CYB561A3: variants seen among roughly 807,000 people sequenced by gnomAD.
CYB561A3 encodes the protein cytochrome b561 family member A3.
In CYB561A3, 16 loss-of-function variants were observed where a neutral mutation model predicts 25.3. That is an observed-to-expected ratio of 0.63 (90% confidence interval 0.43 to 0.96). The LOEUF (loss-of-function observed/expected upper bound fraction) is 0.96, where lower values mean the gene tolerates loss of function less well. Among genes scored for constraint, CYB561A3 ranks in the 40% least tolerant of loss-of-function variants. The pLI, the probability that CYB561A3 is intolerant of heterozygous loss-of-function variation, is 0.00. For synonymous variants in CYB561A3, 131 were observed against 129.9 expected (o/e 1.01, Z -0.06); for missense variants, 219 against 307.5 (o/e 0.71, Z 2.15).
chr11:61,356,110 A>AC lies in CYB561A3; in HGVS notation c.184+419_184+420insG, dbSNP rs1480093608. 491 of 154,176 alleles carry AC rather than the reference A, an allele frequency of 3.2e-3. 6 individuals are homozygous for AC. Among genetic ancestry groups the AC allele is most frequent in the African/African-American group, 0.012 (477 of 40,566 alleles). The allele number at this position is 154,176 out of a possible 1,614,324, so 9.6% of individuals were successfully genotyped here. A position where few individuals can be genotyped will look rare whatever the true frequency, so the allele number is the denominator to read the frequency against. ...CCGTCTAGAGAAAAAAAAAAAAAAAAAAAACACTACAGCTCAAAGGCCAAA... is the reference window on the plus strand; with the variant it reads ...CCGTCTAGAGAAAAAAAAAAAAAAAACAAAACACTACAGCTCAAAGGCCAAA... On this transcript the variant is annotated intron_variant, in intron 3 of 6. Coordinates refer to ENST00000294072, the MANE Select transcript of CYB561A3 (RefSeq NM_153611.6).
rs143377156 is a variant in CYB561A3 at position 61,353,860 on chromosome 11, T to C, written c.317A>G (p.Asn106Ser). 8.1e-6 allele frequency: 13 copies of C among 1,613,990 alleles called. No individual in the cohort carries two copies. The African/African-American group carries it at 1.5e-4, about 18-fold the overall frequency. ...GTAGAGGTTGGCAGTCCTTCCATGG[T>C]TGTGAAACGTAAAGACAGCAACCAG... is the stretch of plus-strand genomic sequence containing the variant. Reference protein sequence around the residue: ...VGLVAVFTFHNHGRTANLYSL... With the variant: ...VGLVAVFTFHSHGRTANLYSL... Residue 106 changes from asparagine to serine, a missense_variant, in exon 4 of 7, where the codon AAC becomes AGC. Asn to Ser is a conservative substitution (Grantham distance 46). Coordinates refer to ENST00000294072, the MANE Select transcript of CYB561A3 (RefSeq NM_153611.6).
Position 61,349,209 on chromosome 11 carries a change from C to G in CYB561A3, c.*1190G>C. On this transcript the variant is annotated 3_prime_UTR_variant, in exon 7 of 7. Transcript: ENST00000294072. ...CCCTATTTCCTCCCCTGAAGAAGAGCAACAGCTCAAGCTCTAGCATGGCAC... is the reference window on the plus strand; with the variant it reads ...CCCTATTTCCTCCCCTGAAGAAGAGGAACAGCTCAAGCTCTAGCATGGCAC... 1 of 265,910 alleles carries G rather than the reference C, an allele frequency of 3.8e-6. No individual in the cohort carries two copies. The allele number at this position is 265,910 out of a possible 1,614,324, so 16.5% of individuals were successfully genotyped here.
chr11:61,360,836 G>A (rs1857833553), intron 1 of CYB561A3: 2 of 152,326 alleles, frequency 1.3e-5, no homozygotes, highest in South Asian at 4.1e-4. Context: ...AAATTAGCCG[G>A]GCGCGGTAGC....
Position 61,350,420 on chromosome 11 carries a change from G to T in CYB561A3, c.708C>A (p.Pro236=). ...TGCTTCACTCCCCATCATGCAGCAG[G>T]GGCTGGAAAGAGAGGCAGATGCCCA... ...PEPGILTDRQ[P]LLHDGE is the part of the protein sequence containing the mutation. Residue 236 remains proline, a splice_region_variant and synonymous_variant, in exon 7 of 7, where the codon CCC becomes CCA. Coordinates refer to ENST00000294072, the MANE Select transcript of CYB561A3 (RefSeq NM_153611.6). 1 of 1,611,520 alleles carries T rather than the reference G, an allele frequency of 6.2e-7. No individual in the cohort carries two copies. The highest frequency in any genetic ancestry group is 1.1e-5 in the South Asian group (1 of 90,264).
intron 1 of CYB561A3, chr11:61,359,265 G>A (rs1330449526): frequency 6.6e-6 from 1 of 151,756 alleles, no homozygotes; most frequent in African/African-American, 2.4e-5. Context: ...AAGGGCTGCA[G>A]GGAAAAAGCT....
In CYB561A3 at chr11:61,350,996, T is replaced by C; in HGVS notation, c.700A>G (p.Arg234Gly). ...KRPEPGILTD[R>G]QPLLHDGE is the part of the protein sequence containing the mutation. ...TGTGGGACTGGAACCCATACCTGTC[T>C]GTCGGTCAGGATCCCCGGCTCTGGG... Residue 234 changes from arginine to glycine, a missense_variant, in exon 6 of 7, where the codon AGA becomes GGA. Physicochemically the swap from Arg to Gly is moderately radical, Grantham distance 125 (BLOSUM62 -2). Coordinates refer to ENST00000294072, the MANE Select transcript of CYB561A3 (RefSeq NM_153611.6). 6.2e-7 allele frequency: 1 copy of C among 1,613,408 alleles called. No individual in the cohort carries two copies. Among genetic ancestry groups the C allele is most frequent in the South Asian group, 1.1e-5 (1 of 90,994 alleles).
At position 61,350,428 on chromosome 11, in the gene CYB561A3, AAG is replaced by A. The variant is rs1161090273; in HGVS notation, c.706-8_706-7del. On this transcript the variant is annotated splice_polypyrimidine_tract_variant and splice_region_variant and intron_variant, in intron 6 of 6. Coordinates refer to ENST00000294072, the MANE Select transcript of CYB561A3 (RefSeq NM_153611.6). ...TCCCCATCATGCAGCAGGGGCTGGA[AAG>A]AGAGGCAGATGCCCAGGAGTTAATG... 1 of 1,611,474 alleles carries A rather than the reference AAG, an allele frequency of 6.2e-7. No homozygotes were observed. Among genetic ancestry groups the A allele is most frequent in the Non-Finnish European group, 8.5e-7 (1 of 1,179,224 alleles).
chr11:61,360,839 G>T (rs1590616562), intron 1 of CYB561A3: 2 of 152,334 alleles, frequency 1.3e-5, no homozygotes, highest in East Asian at 3.9e-4. Flanking sequence ...TTAGCCGGGC[G>T]CGGTAGCGGG....
chr11:61,351,023 G>A lies in CYB561A3; in HGVS notation c.673C>T (p.Arg225Cys), dbSNP rs376119973. 40 of 1,613,738 alleles carry A rather than the reference G, an allele frequency of 2.5e-5. No homozygotes were observed. Among genetic ancestry groups the A allele is most frequent in the Non-Finnish European group, 3.1e-5 (36 of 1,179,944 alleles). ...LYILLASSWK[R>C]PEPGILTDRQ... is the part of the protein sequence containing the mutation. ...TCGGTCAGGATCCCCGGCTCTGGGC[G>A]CTTCCAAGATGAAGCCAGAAGGATG... The change falls in exon 6 of 7, where the codon CGC (arginine) becomes TGC (cysteine). Residue 225 changes from arginine to cysteine, a missense_variant. Transcript: ENST00000294072.
rs1440011503 is a variant in CYB561A3 at position 61,350,050 on chromosome 11, TGA to T, written c.*347_*348del. On this transcript the variant is annotated 3_prime_UTR_variant, in exon 7 of 7. Coordinates refer to ENST00000294072, the MANE Select transcript of CYB561A3 (RefSeq NM_153611.6). The stretch of plus-strand genomic sequence containing the variant: ...GAGGACCTCGTGTGAATGGAGGACC[TGA>T]GAGGCTGACGCCAAGGAGTGCAGAA... The T allele has an allele frequency of 1.8e-5, 9 of 508,098 alleles. No individual in the cohort carries two copies. Among genetic ancestry groups the T allele is most frequent in the Admixed American group, 6.6e-5 (2 of 30,354 alleles). The allele number at this position is 508,098 out of a possible 1,614,324, so 31.5% of individuals were successfully genotyped here.
intron 5 of CYB561A3, chr11:61,351,717 A>T (rs1363506389): frequency 2.6e-5 from 4 of 152,144 alleles, no homozygotes; most frequent in Non-Finnish European, 4.4e-5. Context: ...GGAGTTGGAG[A>T]CTAGCCTGTG....
intron 6 of CYB561A3, 36 bp from the exon 7 acceptor site, chr11:61,350,458 A>G (rs1338330382): frequency 1.9e-6 from 3 of 1,609,000 alleles, no homozygotes; most frequent in East Asian, 2.2e-5. Flanking sequence ...AGTTAATGAC[A>G]TGATGCAGGA....
At chr11:61,357,073 C>T in intron 2 of CYB561A3, 3 of 1,411,518 alleles carry the variant, frequency 2.1e-6, no homozygotes, top group Non-Finnish European at 2.9e-6. Flanking sequence ...AGAATTACCA[C>T]CCCATACCCC....
Position 61,350,332 on chromosome 11 carries a change from G to C in CYB561A3, c.*67C>G. On this transcript the variant is annotated 3_prime_UTR_variant, in exon 7 of 7. Coordinates refer to ENST00000294072, the MANE Select transcript of CYB561A3 (RefSeq NM_153611.6). Reference sequence around the variant, plus strand: ...TGAAACCAGCCGGGAGCCCTGGGAAGAGCAGAGCTTCTGAGGGGAGCACAG... The same window carrying C: ...TGAAACCAGCCGGGAGCCCTGGGAACAGCAGAGCTTCTGAGGGGAGCACAG... 1 of 1,576,680 alleles carries C rather than the reference G, an allele frequency of 6.3e-7. No individual in the cohort carries two copies. The highest frequency in any genetic ancestry group is 8.6e-7 in the Non-Finnish European group (1 of 1,159,924).
In CYB561A3 at chr11:61,353,903, C is replaced by A; in HGVS notation, c.274G>T (p.Val92Phe). Residue 92 changes from valine to phenylalanine, a missense_variant, in exon 4 of 7, where the codon GTC (valine) becomes TTC (phenylalanine). Val to Phe is a conservative substitution (Grantham distance 50, BLOSUM62 -1). Transcript: ENST00000294072. The stretch of plus-strand genomic sequence containing the variant: ...GCAACCAGCCCCACAACAGTGAGGA[C>A]GAAGGCCATCAGGTGCAGCGCTGCA... ...LHAALHLMAF[V>F]LTVVGLVAVF... 2 of 1,614,148 alleles carry A rather than the reference C, an allele frequency of 1.2e-6. No homozygotes were observed. Among genetic ancestry groups the A allele is most frequent in the Middle Eastern group, 1.6e-4 (1 of 6,062 alleles).
At chr11:61,355,845 T>A (rs1220045988) in intron 3 of CYB561A3, among the ~76,000 whole-genome samples, 1 of 152,078 alleles carries the variant, frequency 6.6e-6, no homozygotes, top group Admixed American at 6.5e-5. Flanking sequence ...ATCCCAGCAC[T>A]TCAGGAGGCT....
intron 5 of CYB561A3, chr11:61,352,669 A>C (rs1199014042): frequency 1.4e-5 from 8 of 574,562 alleles, no homozygotes; most frequent in Non-Finnish European, 1.9e-5. Context: ...TCAAAAAAAA[A>C]GAAAAAAGAA....
intron 6 of CYB561A3, 55 bp downstream of exon 6, chr11:61,350,935 AT>A: frequency 3.2e-6 from 5 of 1,543,004 alleles, no homozygotes; most frequent in Non-Finnish European, 4.4e-6. Context: ...TTCGTGGGAG[AT>A]CCTTCTCTAG....
At chr11:61,360,925 C>CCGAGAT (rs1250493039) in intron 1 of CYB561A3, 1 of 151,578 alleles carries the variant, frequency 6.6e-6, no homozygotes, top group Non-Finnish European at 1.5e-5. Flanking sequence ...TTGCAGTGAG[C>CCGAGAT]CGAGATCGTG....
Sources: allele counts gnomAD v4.1 joint callset (sites outside exome capture counted in the v4.1 genomes callset), GRCh38; gene constraint gnomAD v4.1.1; transcripts MANE v1.5; gene names NCBI Gene and HGNC (gene_info 2026-07-23, HGNC 2026-07-21).